Variants in CCDC178 observed in about 807,000 individuals in gnomAD.
CCDC178 encodes the protein coiled-coil domain-containing protein 178.
CCDC178 carries 126 observed loss-of-function variants against 117.4 expected under a neutral mutation model. The observed-to-expected ratio is 1.07, with a 90% confidence interval of 0.93 to 1.24. CCDC178 has a LOEUF of 1.24. Among genes scored for constraint, CCDC178 ranks in the 50% most tolerant of loss-of-function variants. The pLI, the probability that CCDC178 is intolerant of heterozygous loss-of-function variation, is 0.00. For missense variants in CCDC178, 1,030 were observed against 986.9 expected, an observed-to-expected ratio of 1.04 and a Z score of -0.59; for synonymous variants, 283 against 313.4, an observed-to-expected ratio of 0.90 and a Z score of 1.02.
intron 12 of CCDC178, among the ~76,000 whole-genome samples, chr18:33,283,118 G>A (rs1436032856): frequency 1.3e-5 from 2 of 152,062 alleles, no homozygotes; most frequent in South Asian, 2.1e-4. Flanking sequence ...GCTGCACCTC[G>A]GCATCCCCCA....
chr18:32,979,315 C>T (rs538397876), intron 21 of CCDC178, among the ~76,000 whole-genome samples: 3 of 152,062 alleles, frequency 2.0e-5, no homozygotes, highest in African/African-American at 4.8e-5. Context: ...CCTGCCCCCA[C>T]GCTGGGCTAA....
At chr18:33,333,637 C>G (rs1358030476) in intron 9 of CCDC178, among the ~76,000 whole-genome samples, 1 of 151,132 alleles carries the variant, frequency 6.6e-6, no homozygotes, top group Non-Finnish European at 1.5e-5. Flanking sequence ...CTCAGCCTCC[C>G]AAGCAGTTGG....
At chr18:33,019,370 T>C (rs1185106881) in intron 21 of CCDC178, among the ~76,000 whole-genome samples, 4 of 152,158 alleles carry the variant, frequency 2.6e-5, no homozygotes, top group Non-Finnish European at 1.5e-5. Context: ...GAACATCATA[T>C]CAGGCTGCCA....
chr18:33,396,582 A>T (rs1599267931), intron 4 of CCDC178, among the ~76,000 whole-genome samples: 1 of 152,206 alleles, frequency 6.6e-6, no homozygotes, highest in Non-Finnish European at 1.5e-5. Flanking sequence ...GAGCAAAAAA[A>T]GTAGCAAGGA....
At chr18:33,219,316 A>G (rs1168206254) in intron 18 of CCDC178, among the ~76,000 whole-genome samples, 1 of 152,122 alleles carries the variant, frequency 6.6e-6, no homozygotes, top group Non-Finnish European at 1.5e-5. Context: ...GAACACTTTT[A>G]CACTGTTGGT....
chr18:33,048,018 G>A (rs1390059903), intron 21 of CCDC178, among the ~76,000 whole-genome samples: 1 of 152,138 alleles, frequency 6.6e-6, no homozygotes, highest in East Asian at 1.9e-4. Context: ...GTTTAGAAAT[G>A]TGATCTAGTT....
At chr18:33,101,607 T>A (rs2057629180) in intron 20 of CCDC178, among the ~76,000 whole-genome samples, 1 of 151,928 alleles carries the variant, frequency 6.6e-6, no homozygotes, top group Admixed American at 6.6e-5. Flanking sequence ...CAGATTCCAA[T>A]ACAATAACCA....
chr18:33,430,551 T>C (rs2064197931), intron 2 of CCDC178, among the ~76,000 whole-genome samples: 1 of 152,122 alleles, frequency 6.6e-6, no homozygotes, highest in Non-Finnish European at 1.5e-5. Context: ...TTCCTTTCCA[T>C]GGAACCTTAG....
At chr18:33,025,459 G>C (rs1355855576) in intron 21 of CCDC178, among the ~76,000 whole-genome samples, 1 of 152,026 alleles carries the variant, frequency 6.6e-6, no homozygotes, top group Non-Finnish European at 1.5e-5. Context: ...ATGGAAAGAA[G>C]AGCTACAGAA....
rs144999443 is a variant in CCDC178 at position 33,043,040 on chromosome 18, A to T, written c.2388+49721T>A. Among the ~76,000 whole-genome samples the T allele has an allele frequency of 1.7e-3, 262 of 152,158 alleles. 2 individuals carry two copies. The highest frequency in any genetic ancestry group is 6.1e-3 in the African/African-American group (252 of 41,564). On this transcript the variant is annotated intron_variant, in intron 21 of 22. Transcript: ENST00000383096. ...AGAAAATCGAAAGTAAAGCACTAGCACTGATTACTTAATTTTCAAAACATA... is the reference window on the plus strand; with the variant it reads ...AGAAAATCGAAAGTAAAGCACTAGCTCTGATTACTTAATTTTCAAAACATA...
At chr18:33,327,147 T>A (rs1011955723) in intron 10 of CCDC178, among the ~76,000 whole-genome samples, 12 of 152,244 alleles carry the variant, frequency 7.9e-5, no homozygotes, top group Admixed American at 6.5e-4. Context: ...TAGTCATTAA[T>A]CCTTCTGTGT....
intron 14 of CCDC178, among the ~76,000 whole-genome samples, chr18:33,262,435 T>C (rs1403785607): frequency 6.6e-6 from 1 of 152,080 alleles, no homozygotes; most frequent in Non-Finnish European, 1.5e-5. Flanking sequence ...ATCAAACTAG[T>C]TTTTCAAACC....
At chr18:33,074,637 G>C (rs2057172752) in intron 21 of CCDC178, among the ~76,000 whole-genome samples, 1 of 152,110 alleles carries the variant, frequency 6.6e-6, no homozygotes, top group South Asian at 2.1e-4. Flanking sequence ...GAGGTGGGAG[G>C]AAAATAGGAA....
intron 21 of CCDC178, among the ~76,000 whole-genome samples, chr18:33,050,483 T>C (rs2056727409): frequency 1.3e-5 from 2 of 152,162 alleles, no homozygotes. Context: ...TGGCTTGGGC[T>C]ATATGGAAGA....
chr18:33,134,414 G>T (rs555440647), intron 20 of CCDC178, among the ~76,000 whole-genome samples: 1 of 152,028 alleles, frequency 6.6e-6, no homozygotes, highest in South Asian at 2.1e-4. Context: ...TTACAAGCTT[G>T]CATCCCAAAT....
intron 12 of CCDC178, among the ~76,000 whole-genome samples, chr18:33,288,039 G>A (rs2060120606): frequency 6.6e-6 from 1 of 151,906 alleles, no homozygotes; most frequent in Non-Finnish European, 1.5e-5. Context: ...TATTGATTAT[G>A]CTATACTTCC....
intron 20 of CCDC178, among the ~76,000 whole-genome samples, chr18:33,200,230 G>A (rs1212811350): frequency 1.3e-5 from 2 of 152,142 alleles, no homozygotes; most frequent in Non-Finnish European, 2.9e-5. Flanking sequence ...ATTGCACTGG[G>A]GTAATGGGAC....
intron 14 of CCDC178, among the ~76,000 whole-genome samples, chr18:33,247,587 CACACACAATATATA>C (rs1422846101): frequency 6.6e-6 from 1 of 151,780 alleles, no homozygotes; most frequent in Non-Finnish European, 1.5e-5. Flanking sequence ...TGTGTGCAAG[CACACACAATATATA>C]TGTGTGGCAC....
chr18:33,005,880 A>C (rs1160244222), intron 21 of CCDC178, among the ~76,000 whole-genome samples: 1 of 152,236 alleles, frequency 6.6e-6, no homozygotes, highest in East Asian at 1.9e-4. Flanking sequence ...GTAGAACTGA[A>C]GCATAATATC....
Sources: allele counts gnomAD v4.1 joint callset (sites outside exome capture counted in the v4.1 genomes callset), GRCh38; gene constraint gnomAD v4.1.1; transcripts MANE v1.5; gene names NCBI Gene and HGNC (gene_info 2026-07-23, HGNC 2026-07-21).